CD99: variants seen among roughly 807,000 people sequenced by gnomAD.
CD99 encodes the protein CD99 molecule (Xg blood group).
In CD99, 19 loss-of-function variants were observed where a neutral mutation model predicts 28.4. The ratio of observed to expected loss-of-function variants is 0.67; its 90% CI spans 0.47 to 0.98. The LOEUF is 0.98. Among genes scored for constraint, CD99 ranks in the 50% least tolerant of loss-of-function variants. CD99 has a pLI of 0.00. For synonymous variants in CD99, 103 were observed against 92.1 expected, an observed-to-expected ratio of 1.12 and a Z score of -0.67; for missense variants, 283 against 248.8, an observed-to-expected ratio of 1.14 and a Z score of -0.92.
chrX:2,739,196 A>T (rs1226326850), intron 9 of CD99, among the ~76,000 whole-genome samples: 2 of 151,976 alleles, frequency 1.3e-5, no homozygotes, highest in African/African-American at 4.8e-5. Context: ...AATCCTCTCA[A>T]CCAGGTGGAA....
intron 1 of CD99, among the ~76,000 whole-genome samples, chrX:2,696,022 C>G (rs778648208): frequency 6.6e-6 from 1 of 152,134 alleles, no homozygotes; most frequent in Admixed American, 6.6e-5. Context: ...TATTAACATG[C>G]GTTTTTCATT....
At chrX:2,736,534 G>T (rs145876707) in intron 8 of CD99, among the ~76,000 whole-genome samples, 2,330 of 151,914 alleles carry the variant, frequency 0.015, 51 homozygotes, top group African/African-American at 0.052. Flanking sequence ...TTTGCATTGC[G>T]GCATGTTTGA....
At chrX:2,703,952 A>G (rs112099811) in intron 1 of CD99, among the ~76,000 whole-genome samples, 100 of 152,212 alleles carry the variant, frequency 6.6e-4, no homozygotes, top group Non-Finnish European at 1.3e-3. Flanking sequence ...AACCCCGAGC[A>G]GCCCTGCCTT....
At chrX:2,737,253 C>G (rs1173662001) in intron 8 of CD99, among the ~76,000 whole-genome samples, 1 of 152,158 alleles carries the variant, frequency 6.6e-6, no homozygotes, top group Admixed American at 6.5e-5. Flanking sequence ...TCTCAGCTCA[C>G]TGCAACCTCC....
chrX:2,699,188 T>C (rs746545663), intron 1 of CD99, among the ~76,000 whole-genome samples: 1 of 151,452 alleles, frequency 6.6e-6, no homozygotes, highest in East Asian at 2.0e-4. Context: ...TTCTTTTTTT[T>C]AGACAGAGTC....
intron 9 of CD99, 80 bp downstream of exon 9, chrX:2,738,336 G>A: frequency 1.5e-6 from 2 of 1,359,312 alleles, no homozygotes; most frequent in Non-Finnish European, 2.1e-6. Context: ...CCATCTTGCT[G>A]TCCTGCTCAC....
chrX:2,734,889 G>A (rs898327451), intron 8 of CD99, among the ~76,000 whole-genome samples: 2 of 149,302 alleles, frequency 1.3e-5, no homozygotes, highest in Non-Finnish European at 3.0e-5. Flanking sequence ...CCTTATGGTT[G>A]AGCCGTAGTT....
At chrX:2,712,262 TACA>T (rs1176499753) in intron 1 of CD99, among the ~76,000 whole-genome samples, 15 of 151,758 alleles carry the variant, frequency 9.9e-5, no homozygotes, top group Admixed American at 9.9e-4. Flanking sequence ...GGGTAAAGGG[TACA>T]ACATTTCCAT....
At chrX:2,718,395 G>GTC (rs1468217836) in intron 3 of CD99, among the ~76,000 whole-genome samples, 3 of 145,548 alleles carry the variant, frequency 2.1e-5, no homozygotes, top group African/African-American at 5.1e-5. Context: ...TTGAGACGGA[G>GTC]TCTCGCTCTG....
chrX:2,694,478 C>T (rs774918913), intron 1 of CD99, among the ~76,000 whole-genome samples: 4 of 150,122 alleles, frequency 2.7e-5, no homozygotes, highest in African/African-American at 7.4e-5. Flanking sequence ...AGGCCGAGCA[C>T]GGTGACTCAG....
intron 1 of CD99, chrX:2,692,026 G>A: frequency 1.5e-6 from 1 of 680,238 alleles, no homozygotes; most frequent in Non-Finnish European, 2.7e-6. Context: ...AACACGGGGC[G>A]CAGAAAGAAA....
intron 8 of CD99, among the ~76,000 whole-genome samples, chrX:2,728,807 C>T (rs1247413811): frequency 2.1e-5 from 3 of 145,936 alleles, no homozygotes; most frequent in East Asian, 2.0e-4. Context: ...GCGTAATATT[C>T]TAGATGTTGT....
chrX:2,736,534 G>A (rs145876707), intron 8 of CD99, among the ~76,000 whole-genome samples: 7 of 151,934 alleles, frequency 4.6e-5, no homozygotes, highest in African/African-American at 7.2e-5. Context: ...TTTGCATTGC[G>A]GCATGTTTGA....
chrX:2,701,758 C>G (rs760666733), intron 1 of CD99, among the ~76,000 whole-genome samples: 116 of 152,336 alleles, frequency 7.6e-4, no homozygotes, highest in African/African-American at 2.7e-3. Context: ...TGCGGGGACG[C>G]TTAACCTGCC....
At chrX:2,714,312 C>A in intron 1 of CD99, 110 bp from the exon 2 acceptor site, 1 of 842,792 alleles carries the variant, frequency 1.2e-6, no homozygotes, top group Non-Finnish European at 1.9e-6. Flanking sequence ...TTTTAAGTTG[C>A]TGTTTTAAAT....
chrX:2,712,025 A>C (rs1569435093), intron 1 of CD99, among the ~76,000 whole-genome samples: 2 of 152,202 alleles, frequency 1.3e-5, no homozygotes, highest in Non-Finnish European at 2.9e-5. Flanking sequence ...CAACAGAGTG[A>C]GACTCTGTCT....
chrX:2,722,570 A>G (rs2049045434), intron 5 of CD99, 57 bp from the exon 6 acceptor site: 1 of 1,502,906 alleles, frequency 6.7e-7, no homozygotes, highest in South Asian at 1.1e-5. Flanking sequence ...ATTCTAAGAC[A>G]TGAAGACCCT....
chrX:2,695,456 G>T lies in CD99; in HGVS notation c.67+4029G>T, dbSNP rs373711760. On this transcript the variant is annotated intron_variant, in intron 1 of 9. Transcript: ENST00000381192. ...TTTGAGGTGGGGTCTCTGTTGCCCA[G>T]ACTGGAGTGCAGGGGTGCAATCAGG... 6.6e-5 allele frequency among the ~76,000 whole-genome samples: 10 copies of T among 152,064 alleles called. No homozygotes were observed. In the East Asian group the frequency reaches 7.8e-4, roughly 12 times the overall value.
At chrX:2,711,326 G>A (rs1277557806) in intron 1 of CD99, among the ~76,000 whole-genome samples, 1 of 148,576 alleles carries the variant, frequency 6.7e-6, no homozygotes, top group Non-Finnish European at 1.5e-5. Flanking sequence ...TGTATATGGT[G>A]TGTATATATG....
Sources: allele counts gnomAD v4.1 joint callset (sites outside exome capture counted in the v4.1 genomes callset), GRCh38; gene constraint gnomAD v4.1.1; transcripts MANE v1.5; gene names NCBI Gene and HGNC (gene_info 2026-07-23, HGNC 2026-07-21).